Variants in LRRTM4 observed in about 807,000 individuals in gnomAD.
LRRTM4 encodes leucine-rich repeat transmembrane neuronal protein 4.
In LRRTM4, 25 loss-of-function variants were observed where a neutral mutation model predicts 47.6. The observed-to-expected ratio is 0.53, with a 90% CI of 0.38 to 0.73. The LOEUF is 0.73. Among genes scored for constraint, LRRTM4 ranks in the 30% least tolerant of loss-of-function variants. The probability of loss-of-function intolerance (pLI) is 0.00; values close to 1 mark genes in which losing one functional copy is unlikely to be tolerated. For missense variants in LRRTM4, 638 were observed against 713.4 expected (o/e 0.89, Z 1.20); for synonymous variants, 311 against 269.5 (o/e 1.15, Z -1.51).
chr2:77,090,573 C>T (rs1472786419), intron 3 of LRRTM4, among the ~76,000 whole-genome samples: 2 of 152,140 alleles, frequency 1.3e-5, no homozygotes, highest in South Asian at 2.1e-4. Context: ...GCCACATCTC[C>T]AGCACACAAG....
intron 3 of LRRTM4, among the ~76,000 whole-genome samples, chr2:76,805,061 T>G (rs991765025): frequency 6.6e-6 from 1 of 152,162 alleles, no homozygotes; most frequent in African/African-American, 2.4e-5. Flanking sequence ...CAAAGCCCGT[T>G]CTTCTCAAAA....
chr2:77,264,593 C>T (rs1288275931), intron 3 of LRRTM4, among the ~76,000 whole-genome samples: 1 of 151,982 alleles, frequency 6.6e-6, no homozygotes, highest in Non-Finnish European at 1.5e-5. Flanking sequence ...ATGTTAAATA[C>T]CTCATTCAGT....
At chr2:77,263,376 C>A (rs897764443) in intron 3 of LRRTM4, among the ~76,000 whole-genome samples, 1 of 152,088 alleles carries the variant, frequency 6.6e-6, no homozygotes, top group African/African-American at 2.4e-5. Context: ...ACCTGAGAAG[C>A]AGGGAATAGG....
At chr2:77,357,708 A>G (rs1672020031) in intron 3 of LRRTM4, among the ~76,000 whole-genome samples, 1 of 152,204 alleles carries the variant, frequency 6.6e-6, no homozygotes, top group Non-Finnish European at 1.5e-5. Flanking sequence ...AAAATGATGT[A>G]TGGCTTACTT....
chr2:76,830,541 T>TGTGG (rs771413034), intron 3 of LRRTM4, among the ~76,000 whole-genome samples: 112 of 151,466 alleles, frequency 7.4e-4, no homozygotes, highest in East Asian at 6.8e-3. Flanking sequence ...TGTGTGTGTG[T>TGTGG]GTGTGTTTCT....
At chr2:77,454,757 C>T (rs1676456926) in intron 3 of LRRTM4, among the ~76,000 whole-genome samples, 1 of 152,138 alleles carries the variant, frequency 6.6e-6, no homozygotes, top group African/African-American at 2.4e-5. Context: ...ATTAACTTTA[C>T]TCAATAATGT....
intron 3 of LRRTM4, among the ~76,000 whole-genome samples, chr2:76,952,489 A>G (rs1434390999): frequency 6.6e-6 from 1 of 152,056 alleles, no homozygotes; most frequent in African/African-American, 2.4e-5. Context: ...CCACAGTAAG[A>G]TACCATCTCA....
At chr2:76,807,587 C>A (rs1490184817) in intron 3 of LRRTM4, among the ~76,000 whole-genome samples, 1 of 148,558 alleles carries the variant, frequency 6.7e-6, no homozygotes, top group Non-Finnish European at 1.5e-5. Context: ...TTCATTATTT[C>A]TTTATTTTAT....
intron 3 of LRRTM4, among the ~76,000 whole-genome samples, chr2:77,296,373 A>G (rs1055924983): frequency 2.6e-5 from 4 of 152,158 alleles, no homozygotes; most frequent in Non-Finnish European, 1.5e-5. Context: ...GGGAGATAGC[A>G]TCTTCGATTT....
intron 3 of LRRTM4, among the ~76,000 whole-genome samples, chr2:77,030,295 G>A (rs563962135): frequency 3.8e-4 from 58 of 152,158 alleles, no homozygotes; most frequent in Middle Eastern, 3.4e-3. Context: ...TTAGCTGGGT[G>A]TGGTGGTATG....
At chr2:76,808,020 CCTTCCTCTT>C (rs1421621093) in intron 3 of LRRTM4, among the ~76,000 whole-genome samples, 1 of 145,256 alleles carries the variant, frequency 6.9e-6, no homozygotes, top group African/African-American at 2.6e-5. Flanking sequence ...CTCCTTCCTT[CCTTCCTCTT>C]TTCTTTTCTT....
At chr2:77,276,280 A>G (rs1676346674) in intron 3 of LRRTM4, among the ~76,000 whole-genome samples, 1 of 151,026 alleles carries the variant, frequency 6.6e-6, no homozygotes, top group South Asian at 2.1e-4. Context: ...ATGTAAAAAC[A>G]TACGCTATTT....
At chr2:77,105,549 A>G (rs1671073141) in intron 3 of LRRTM4, among the ~76,000 whole-genome samples, 1 of 151,496 alleles carries the variant, frequency 6.6e-6, no homozygotes, top group African/African-American at 2.4e-5. Context: ...TTGGAGATAT[A>G]CCTAATGTTA....
intron 3 of LRRTM4, among the ~76,000 whole-genome samples, chr2:76,843,561 TAAC>T (rs1671749953): frequency 6.6e-6 from 1 of 152,186 alleles, no homozygotes; most frequent in African/African-American, 2.4e-5. Flanking sequence ...TATTTCATAA[TAAC>T]AATAAATTAT....
At chr2:77,244,829 G>C (rs1051021161) in intron 3 of LRRTM4, among the ~76,000 whole-genome samples, 2 of 152,130 alleles carry the variant, frequency 1.3e-5, no homozygotes, top group Admixed American at 1.3e-4. Flanking sequence ...AGAGAACTAA[G>C]GGAAGCCAAG....
chr2:77,442,395 T>A (rs1250560352), intron 3 of LRRTM4, among the ~76,000 whole-genome samples: 1 of 152,170 alleles, frequency 6.6e-6, no homozygotes, highest in African/African-American at 2.4e-5. Context: ...TCCTAAAATG[T>A]AGTAGTTCAT....
intron 3 of LRRTM4, among the ~76,000 whole-genome samples, chr2:76,825,958 C>A (rs542586484): frequency 6.6e-6 from 1 of 151,750 alleles, no homozygotes; most frequent in East Asian, 1.9e-4. Flanking sequence ...TATATTTTTA[C>A]AAACCACAAA....
intron 3 of LRRTM4, among the ~76,000 whole-genome samples, chr2:77,076,245 C>T (rs906295034): frequency 3.3e-5 from 5 of 152,120 alleles, no homozygotes; most frequent in African/African-American, 1.2e-4. Context: ...TAGAAAAATT[C>T]CTTCAGTGTT....
intron 3 of LRRTM4, among the ~76,000 whole-genome samples, chr2:77,410,953 A>G (rs1674396671): frequency 6.6e-6 from 1 of 152,226 alleles, no homozygotes; most frequent in African/African-American, 2.4e-5. Context: ...TAGAAGGCAC[A>G]ATGTTCAGGT....
Sources: allele counts gnomAD v4.1 joint callset (sites outside exome capture counted in the v4.1 genomes callset), GRCh38; gene constraint gnomAD v4.1.1; transcripts MANE v1.5; gene names NCBI Gene and HGNC (gene_info 2026-07-23, HGNC 2026-07-21).